The following AFF1 variants were observed in gnomAD, a reference collection of about 807,000 sequenced individuals.
The protein encoded by AFF1 is ALF transcription elongation factor 1.
A neutral mutation model predicts 121.7 loss-of-function variants in AFF1; 48 were observed. That is an observed-to-expected ratio of 0.39 (90% confidence interval 0.31 to 0.50). The LOEUF (loss-of-function observed/expected upper bound fraction) is 0.50, where lower values mean the gene tolerates loss of function less well. Ranked by LOEUF, AFF1 falls within the 20% of genes least tolerant of loss-of-function variation. AFF1 has a pLI of 0.76. For synonymous variants in AFF1, 613 were observed against 563.0 expected (o/e 1.09, Z -1.26); for missense variants, 1,523 against 1,511.7 (o/e 1.01, Z -0.12).
intron 2 of AFF1, among the ~76,000 whole-genome samples, chr4:87,031,527 C>G (rs1305365566): frequency 6.6e-6 from 1 of 151,806 alleles, no homozygotes; most frequent in Non-Finnish European, 1.5e-5. Flanking sequence ...CTAGGTCTAG[C>G]ACATAAGAGG....
chr4:87,087,318 T>C (rs893174524), intron 5 of AFF1, among the ~76,000 whole-genome samples: 1 of 152,230 alleles, frequency 6.6e-6, no homozygotes, highest in African/African-American at 2.4e-5. Context: ...TACATAGTGT[T>C]GGGTGTTGAT....
chr4:87,094,963 C>T lies in AFF1; in HGVS notation c.1277C>T (p.Thr426Met), dbSNP rs763544847. 13 of 1,613,228 alleles carry T rather than the reference C, an allele frequency of 8.1e-6. No homozygotes were observed. Among genetic ancestry groups the T allele is most frequent in the East Asian group, 2.2e-5 (1 of 44,868 alleles). ...ACTCACTCAAATTCTCAGCAAGGAA[C>T]GTCATCGTAAGTGAAATGCTTTTTG... ...SKTHSNSQQG[T>M]SSMLEDDLQL... The change falls in exon 8 of 21, where the codon ACG becomes ATG. Residue 426 changes from threonine to methionine, a missense_variant. Thr to Met is a moderately conservative substitution (Grantham distance 81). Coordinates refer to ENST00000395146, the MANE Select transcript of AFF1 (RefSeq NM_001166693.3).
chr4:87,010,252 A>G (rs340635), intron 2 of AFF1, among the ~76,000 whole-genome samples: 129,616 of 152,190 alleles, frequency 0.85, 57,264 homozygotes, highest in Non-Finnish European at 0.96. Context: ...TTTCTTGACT[A>G]AAATGCAATT....
At chr4:87,035,921 T>G (rs62306509) in intron 2 of AFF1, among the ~76,000 whole-genome samples, 20,460 of 152,226 alleles carry the variant, frequency 0.13, 1,857 homozygotes, top group Middle Eastern at 0.23. Flanking sequence ...ATGAGAGACT[T>G]TCACCAGCCT....
At chr4:86,964,540 A>G (rs1193971552) in intron 2 of AFF1, among the ~76,000 whole-genome samples, 1 of 151,406 alleles carries the variant, frequency 6.6e-6, no homozygotes, top group African/African-American at 2.4e-5. Context: ...GGTTCAAGCA[A>G]TTCTCCTGCC....
intron 12 of AFF1, among the ~76,000 whole-genome samples, chr4:87,116,644 A>G (rs1271459290): frequency 4.6e-5 from 7 of 152,234 alleles, no homozygotes; most frequent in African/African-American, 1.7e-4. Flanking sequence ...TTTACCGAAT[A>G]GTAAAGGGCG....
At chr4:87,117,916 G>A (rs145116550) in intron 12 of AFF1, among the ~76,000 whole-genome samples, 11 of 152,316 alleles carry the variant, frequency 7.2e-5, no homozygotes, top group East Asian at 3.9e-4. Flanking sequence ...TGACCAGCAC[G>A]GTTGCTCCAG....
chr4:87,119,941 A>G (rs1300444227), intron 12 of AFF1, among the ~76,000 whole-genome samples: 2 of 152,150 alleles, frequency 1.3e-5, no homozygotes, highest in African/African-American at 4.8e-5. Context: ...TCCATCCAAG[A>G]TCTGACTGTC....
At chr4:87,014,482 A>G (rs1184463588) in intron 2 of AFF1, among the ~76,000 whole-genome samples, 1 of 152,240 alleles carries the variant, frequency 6.6e-6, no homozygotes, top group Non-Finnish European at 1.5e-5. Context: ...TGGAACTCCT[A>G]CTGGGAAGTA....
chr4:86,960,749 C>G (rs1052622287), intron 2 of AFF1, among the ~76,000 whole-genome samples: 1 of 152,090 alleles, frequency 6.6e-6, no homozygotes, highest in African/African-American at 2.4e-5. Flanking sequence ...GTTGTGTAGT[C>G]AGCTCCCCAC....
rs77065352 is a variant in AFF1 at position 87,133,442 on chromosome 4, A to G, written c.3312-1029A>G. Among the ~76,000 whole-genome samples, 322 of 152,346 alleles carry G rather than the reference A, an allele frequency of 2.1e-3. 5 individuals carry two copies. The highest frequency in any genetic ancestry group is 6.5e-3 in the African/African-American group (270 of 41,570). On this transcript the variant is annotated intron_variant, in intron 19 of 20. Coordinates refer to ENST00000395146, the MANE Select transcript of AFF1 (RefSeq NM_001166693.3). ...AAGAGACTCCCATATGGCCTCTCTTAAAAAAGAAAGTCCTGATTAAGAAGC... is the reference window on the plus strand; with the variant it reads ...AAGAGACTCCCATATGGCCTCTCTTGAAAAAGAAAGTCCTGATTAAGAAGC...
At chr4:87,001,193 CT>C (rs1725685281) in intron 2 of AFF1, among the ~76,000 whole-genome samples, 1 of 109,036 alleles carries the variant, frequency 9.2e-6, no homozygotes, top group Non-Finnish European at 2.0e-5. Context: ...GAGAGGACTG[CT>C]TTCCTTTTTC....
At chr4:86,998,098 CAAAAAAAAAAAAAAAAAAA>C (rs56741955) in intron 2 of AFF1, among the ~76,000 whole-genome samples, 1 of 91,746 alleles carries the variant, frequency 1.1e-5, no homozygotes, top group African/African-American at 4.3e-5. Flanking sequence ...AACTCCGTCT[CAAAAAAAAAAAAAAAAAAA>C]AAAAAAAAAA....
rs1025502593 is a variant in AFF1 at position 87,126,004 on chromosome 4, A to G, written c.2574-95A>G. The G allele has an allele frequency of 1.1e-4, 132 of 1,227,866 alleles. No homozygotes were observed. In the African/African-American group the frequency reaches 1.9e-3, roughly 18 times the overall value. 76.1% of individuals were successfully genotyped at this position (1,227,866 alleles called of 1,614,324 possible). A position where few individuals can be genotyped will look rare whatever the true frequency, so the allele number is the denominator to read the frequency against. On this transcript the variant is annotated intron_variant, in intron 13 of 20. Transcript: ENST00000395146. Reference sequence around the variant, plus strand: ...ACAGTTTCATGCTTTGTGATACCCTACTCTTTTGTGCCAGCAGCCAGTTTG... The same window carrying G: ...ACAGTTTCATGCTTTGTGATACCCTGCTCTTTTGTGCCAGCAGCCAGTTTG...
intron 2 of AFF1, among the ~76,000 whole-genome samples, chr4:86,980,456 A>C (rs1035217034): frequency 6.6e-6 from 1 of 152,196 alleles, no homozygotes; most frequent in Non-Finnish European, 1.5e-5. Context: ...TAGCCACTGC[A>C]TTCCAGCCTG....
chr4:86,978,845 C>G (rs1315929259), intron 2 of AFF1, among the ~76,000 whole-genome samples: 2 of 152,170 alleles, frequency 1.3e-5, no homozygotes, highest in Non-Finnish European at 2.9e-5. Context: ...GTTAGTCTGT[C>G]TCTGCTTTTC....
rs1471631878 is a variant in AFF1, at chr4:86,995,822, G to C, written c.38+47251G>C. ...TCTGCCTGGCTGCCCAGTCTGGAAA[G>C]TGAGGAGCGTCTCTGCCTGGCCGCC... On this transcript the variant is annotated intron_variant, in intron 2 of 20. Coordinates refer to ENST00000395146, the MANE Select transcript of AFF1 (RefSeq NM_001166693.3). Among the ~76,000 whole-genome samples, 118 of 151,154 alleles carry C rather than the reference G, an allele frequency of 7.8e-4. 1 individual carries two copies. The highest frequency in any genetic ancestry group is 1.9e-4 in the Non-Finnish European group (13 of 67,398).
chr4:87,032,355 C>G (rs1173668264), intron 2 of AFF1, among the ~76,000 whole-genome samples: 2 of 152,162 alleles, frequency 1.3e-5, no homozygotes, highest in African/African-American at 2.4e-5. Flanking sequence ...GAAACTGCCT[C>G]TAGTTTTTAT....
intron 4 of AFF1, among the ~76,000 whole-genome samples, chr4:87,066,574 G>C (rs982023681): frequency 2.0e-5 from 3 of 152,084 alleles, no homozygotes; most frequent in Non-Finnish European, 4.4e-5. Context: ...GGGCAACACA[G>C]TGAGACCCTG....
Sources: allele counts gnomAD v4.1 joint callset (sites outside exome capture counted in the v4.1 genomes callset), GRCh38; gene constraint gnomAD v4.1.1; transcripts MANE v1.5; gene names NCBI Gene and HGNC (gene_info 2026-07-23, HGNC 2026-07-21).